The following SORT1 variants were observed in gnomAD, a reference collection of about 807,000 sequenced individuals.
The protein encoded by SORT1 is sortilin 1.
A neutral mutation model predicts 101.7 loss-of-function variants in SORT1; 39 were observed. The observed-to-expected ratio is 0.38, with a 90% CI of 0.30 to 0.50. The LOEUF (loss-of-function observed/expected upper bound fraction) is 0.50. Among genes scored for constraint, SORT1 ranks in the 20% least tolerant of loss-of-function variants. SORT1 has a pLI of 0.90. For missense variants in SORT1, 878 were observed against 1,040.4 expected (o/e 0.84, Z 2.15); for synonymous variants, 396 against 393.7 (o/e 1.01, Z -0.07).
intron 1 of SORT1, among the ~76,000 whole-genome samples, chr1:109,391,014 A>G (rs558918553): frequency 5.5e-4 from 83 of 152,218 alleles, no homozygotes; most frequent in African/African-American, 1.9e-3. Flanking sequence ...CAGGATGAAG[A>G]AAAAAAGCCC....
chr1:109,315,557 G>C (rs1658979801), intron 17 of SORT1, among the ~76,000 whole-genome samples: 1 of 152,024 alleles, frequency 6.6e-6, no homozygotes, highest in Non-Finnish European at 1.5e-5. Flanking sequence ...TCATCCCTTA[G>C]AACAGCAGAG....
intron 11 of SORT1, among the ~76,000 whole-genome samples, chr1:109,332,089 T>C (rs1306474416): frequency 2.6e-5 from 4 of 151,384 alleles, no homozygotes; most frequent in African/African-American, 9.7e-5. Context: ...GAATAATTAA[T>C]ATTGTTAAAA....
chr1:109,395,144 A>T, intron 1 of SORT1, among the ~76,000 whole-genome samples: 1 of 147,614 alleles, frequency 6.8e-6, no homozygotes. Flanking sequence ...TTTTTTTTTT[A>T]ACCAGATACA....
rs1334195020 is a variant in SORT1 at position 109,311,226 on chromosome 1, C to T, written c.*2817G>A. On this transcript the variant is annotated 3_prime_UTR_variant, in exon 20 of 20. Transcript: ENST00000256637. Reference sequence around the variant, plus strand: ...AGTTCCCTACCTGGATTTAAGAACTCGGACCACTTTGGACTGGTTTGTCCA... The same window carrying T: ...AGTTCCCTACCTGGATTTAAGAACTTGGACCACTTTGGACTGGTTTGTCCA... 2 of 152,202 alleles carry T rather than the reference C, an allele frequency of 1.3e-5. No homozygotes were observed. The highest frequency in any genetic ancestry group is 4.8e-5 in the African/African-American group (2 of 41,444). 9.4% of individuals were successfully genotyped at this position (152,202 alleles called of 1,614,324 possible).
intron 6 of SORT1, among the ~76,000 whole-genome samples, chr1:109,350,427 G>A (rs1302480949): frequency 6.6e-6 from 1 of 152,134 alleles, no homozygotes; most frequent in African/African-American, 2.4e-5. Context: ...CTTTAAGCAG[G>A]CACCCGGAGG....
rs1438855470 is a variant in SORT1 at position 109,355,479 on chromosome 1, A to G, written c.441-10T>C. 1 of 1,397,736 alleles carries G rather than the reference A, an allele frequency of 7.2e-7. No homozygotes were observed. The highest frequency in any genetic ancestry group is 1.7e-5 in the Admixed American group (1 of 59,590). 86.6% of individuals were successfully genotyped at this position (1,397,736 alleles called of 1,614,324 possible). A position where few individuals can be genotyped will look rare whatever the true frequency, so the allele number is the denominator to read the frequency against. On this transcript the variant is annotated splice_polypyrimidine_tract_variant and intron_variant, in intron 3 of 19. Transcript: ENST00000256637. ...CTTCCCATAATCCTCACTGAGAGGA[A>G]GAAAAAAAGGGCAAATTTAGGGTGC...
chr1:109,394,202 T>C, intron 1 of SORT1, among the ~76,000 whole-genome samples: 1 of 152,196 alleles, frequency 6.6e-6, no homozygotes, highest in East Asian at 1.9e-4. Context: ...TTTGTTTTTT[T>C]AGTAATAGCC....
In SORT1 at chr1:109,355,372, C is replaced by T; in HGVS notation, c.538G>A (p.Gly180Arg). 3 of 1,546,600 alleles carry T rather than the reference C, an allele frequency of 1.9e-6. No homozygotes were observed. Among genetic ancestry groups the T allele is most frequent in the Non-Finnish European group, 2.7e-6 (3 of 1,118,536 alleles). Reference sequence around the variant, plus strand: ...TATACAAGAATGAGTCTCACCTTTCCAGAGTTCTCAGGACCAATAGCCATG... The same window carrying T: ...TATACAAGAATGAGTCTCACCTTTCTAGAGTTCTCAGGACCAATAGCCATG... ...FGMAIGPENSGKVVLTAEVSG... is the reference protein window; with the variant it reads ...FGMAIGPENSRKVVLTAEVSG... Residue 180 changes from glycine to arginine, a missense_variant, in exon 4 of 20, where the codon GGA becomes AGA. By Grantham distance (125) the Gly-to-Arg change is moderately radical. Around this residue, in one of 2 missense-constraint regions of SORT1, gnomAD observed 684 missense variants for 894.5 expected, o/e 0.76. Coordinates refer to ENST00000256637, the MANE Select transcript of SORT1 (RefSeq NM_002959.7).
chr1:109,355,222 A>C, intron 4 of SORT1, 145 bp downstream of exon 4: 1 of 611,812 alleles, frequency 1.6e-6, no homozygotes. Flanking sequence ...CCCTTAAAAA[A>C]TTGTGTTTAA....
intron 11 of SORT1, among the ~76,000 whole-genome samples, chr1:109,330,720 T>C (rs560651165): frequency 6.6e-6 from 1 of 151,340 alleles, no homozygotes; most frequent in Admixed American, 6.6e-5. Flanking sequence ...AGTGACAAAC[T>C]TTTAATTAGA....
At chr1:109,368,021 C>T (rs1220024381) in intron 2 of SORT1, among the ~76,000 whole-genome samples, 6 of 152,154 alleles carry the variant, frequency 3.9e-5, no homozygotes, top group African/African-American at 1.4e-4. Flanking sequence ...TGGCTGGGCA[C>T]GGTGGCTCAC....
intron 4 of SORT1, 40 bp downstream of exon 4, chr1:109,355,327 T>C (rs1650232917): frequency 3.1e-6 from 3 of 959,260 alleles, no homozygotes; most frequent in Non-Finnish European, 5.2e-6. Context: ...CTGCATGTGG[T>C]ATCAAGCACA....
rs1658751491 is a variant in SORT1 at position 109,311,907 on chromosome 1, C to T, written c.*2136G>A. ...ACTGCTTATCACACACACGGGGACCCTGAACAACTGACTCCATCCCAAGAA... is the reference window on the plus strand; with the variant it reads ...ACTGCTTATCACACACACGGGGACCTTGAACAACTGACTCCATCCCAAGAA... On this transcript the variant is annotated 3_prime_UTR_variant, in exon 20 of 20. Transcript: ENST00000256637. 2 of 152,652 alleles carry T rather than the reference C, an allele frequency of 1.3e-5. No homozygotes were observed. The allele number at this position is 152,652 out of a possible 1,614,324, so 9.5% of individuals were successfully genotyped here. A position where few individuals can be genotyped will look rare whatever the true frequency, so the allele number is the denominator to read the frequency against.
At chr1:109,357,685 G>T (rs1387753365) in intron 3 of SORT1, among the ~76,000 whole-genome samples, 4 of 152,176 alleles carry the variant, frequency 2.6e-5, no homozygotes, top group African/African-American at 7.2e-5. Flanking sequence ...AAGTATCCAT[G>T]TGTGTATGTA....
At chr1:109,333,334 C>T (rs546409247) in intron 11 of SORT1, among the ~76,000 whole-genome samples, 19 of 152,272 alleles carry the variant, frequency 1.2e-4, no homozygotes, top group African/African-American at 3.6e-4. Context: ...GGGAAAAAAG[C>T]TTCTTGACAT....
At chr1:109,315,223 G>A (rs1360417028) in intron 17 of SORT1, among the ~76,000 whole-genome samples, 2 of 152,120 alleles carry the variant, frequency 1.3e-5, no homozygotes, top group Non-Finnish European at 1.5e-5. Flanking sequence ...ATGACACCAA[G>A]ATTTATTTGT....
chr1:109,337,637 C>CA (rs1648923835), intron 10 of SORT1, among the ~76,000 whole-genome samples: 1 of 151,450 alleles, frequency 6.6e-6, no homozygotes, highest in Admixed American at 6.6e-5. Context: ...TGTGAAAACT[C>CA]TTTTTTTTGA....
intron 3 of SORT1, among the ~76,000 whole-genome samples, chr1:109,363,156 G>A (rs115984459): frequency 0.039 from 5,874 of 152,204 alleles, 168 homozygotes; most frequent in Non-Finnish European, 0.062. Context: ...TAATAATTAG[G>A]TATATAACAT....
chr1:109,343,698 G>A (rs1017505065), intron 8 of SORT1, among the ~76,000 whole-genome samples: 1 of 152,082 alleles, frequency 6.6e-6, no homozygotes, highest in Admixed American at 6.5e-5. Flanking sequence ...TCCCAGGCTG[G>A]AGTGCAGTGG....
Sources: gnomAD v4.1 joint callset for allele counts (sites outside exome capture counted in the v4.1 genomes callset) on GRCh38, gnomAD v4.1.1 for gene constraint, gnomAD v4.1.1 regional missense constraint, MANE v1.5 for transcripts, NCBI Gene and HGNC (gene_info 2026-07-23, HGNC 2026-07-21) for gene names.